Variants in TMEM202 observed in about 807,000 individuals in gnomAD.
TMEM202 encodes the protein transmembrane protein 202.
TMEM202 carries 25 observed loss-of-function variants against 26.1 expected under a neutral mutation model. The observed-to-expected ratio is 0.96, with a 90% CI of 0.70 to 1.34. TMEM202 has a LOEUF of 1.34. Ranked by LOEUF, TMEM202 falls within the 40% of genes most tolerant of loss-of-function variation. The pLI, the probability that TMEM202 is intolerant of heterozygous loss-of-function variation, is 0.00. For synonymous variants in TMEM202, 122 were observed against 119.0 expected (o/e 1.02, Z -0.16); for missense variants, 301 against 327.7 (o/e 0.92, Z 0.63).
chr15:72,406,709 A>G lies in TMEM202; in HGVS notation c.445A>G (p.Thr149Ala). The change falls in exon 3 of 5, where the codon ACC (threonine) becomes GCC (alanine). Residue 149 changes from threonine (T) to alanine (A), a missense_variant. By Grantham distance (58) the Thr-to-Ala change is moderately conservative. Coordinates refer to ENST00000341689, the MANE Select transcript of TMEM202 (RefSeq NM_001080462.3). Reference protein sequence around the residue: ...SWILNRGSMTTNLDLKVSMLS... With the variant: ...SWILNRGSMTANLDLKVSMLS... ...GATCCTTAATCGAGGAAGCATGACC[A>G]CCAACTTGGATCTGAAGGTATCCAT... 2 of 1,614,136 alleles carry G rather than the reference A, an allele frequency of 1.2e-6. No individual in the cohort carries two copies. Among genetic ancestry groups the G allele is most frequent in the Non-Finnish European group, 1.7e-6 (2 of 1,180,014 alleles).
At chr15:72,405,598 G>C (rs930701724) in intron 2 of TMEM202, among the ~76,000 whole-genome samples, 2 of 152,226 alleles carry the variant, frequency 1.3e-5, no homozygotes, top group African/African-American at 4.8e-5. Flanking sequence ...AGGACTTTGG[G>C]GGACTCTCAG....
Position 72,408,095 on chromosome 15 carries a change from C to A in TMEM202, c.*202C>A. 1.8e-6 allele frequency: 1 copy of A among 548,586 alleles called. No individual in the cohort carries two copies. The highest frequency in any genetic ancestry group is 3.2e-6 in the Non-Finnish European group (1 of 309,946). 34.0% of individuals were successfully genotyped at this position (548,586 alleles called of 1,614,324 possible). On this transcript the variant is annotated 3_prime_UTR_variant, in exon 5 of 5. Transcript: ENST00000341689. ...AAGTAAATAACTCACTTAAGAAAAA[C>A]ATTTCTAAAAGAAAACAACAATGTT... is the stretch of plus-strand genomic sequence containing the variant.
chr15:72,404,707 C>T (rs2063563411), intron 2 of TMEM202, among the ~76,000 whole-genome samples: 1 of 152,118 alleles, frequency 6.6e-6, no homozygotes. Flanking sequence ...AAGAGGAAAT[C>T]CAATTTCTAA....
intron 2 of TMEM202, among the ~76,000 whole-genome samples, chr15:72,399,483 A>G (rs2063537966): frequency 6.6e-6 from 1 of 152,202 alleles, no homozygotes; most frequent in Non-Finnish European, 1.5e-5. Context: ...AAGCAATGTG[A>G]TTGGTATTCT....
Position 72,407,851 on chromosome 15 carries a change from T to C in TMEM202, c.780T>C (p.Ser260=), listed in dbSNP as rs2063580625. Residue 260 remains serine, a synonymous_variant, in exon 5 of 5, where the codon AGT becomes AGC. Coordinates refer to ENST00000341689, the MANE Select transcript of TMEM202 (RefSeq NM_001080462.3). The part of the protein sequence containing the change: ...EGPRSEMESL[S]VREKNLPKSG... ...CAAGGTCTGAGATGGAATCTCTAAG[T>C]GTGAGAGAGAAAAATTTACCAAAGT... The C allele has an allele frequency of 6.2e-7, 1 of 1,613,938 alleles. No individual in the cohort carries two copies. Among genetic ancestry groups the C allele is most frequent in the Non-Finnish European group, 8.5e-7 (1 of 1,180,020 alleles).
chr15:72,398,905 C>A lies in TMEM202; in HGVS notation c.334C>A (p.Pro112Thr), dbSNP rs779963625. The A allele has an allele frequency of 3.8e-6, 6 of 1,599,698 alleles. No individual in the cohort carries two copies. In the African/African-American group the frequency reaches 8.0e-5, roughly 21 times the overall value. Residue 112 changes from proline to threonine, a missense_variant, in exon 2 of 5, where the codon CCC (proline) becomes ACC (threonine). Transcript: ENST00000341689. ...ELCWSHTPKP[P>T]YYLQYSRAFF... Reference sequence around the variant, plus strand: ...GTGCTGGAGCCACACACCCAAGCCACCCTGTGAGTGCCACCGAATTAAATG... The same window carrying A: ...GTGCTGGAGCCACACACCCAAGCCAACCTGTGAGTGCCACCGAATTAAATG...
At position 72,408,072 on chromosome 15, in the gene TMEM202, GTAAA is replaced by G; in HGVS notation, c.*183_*186del. On this transcript the variant is annotated 3_prime_UTR_variant, in exon 5 of 5. Transcript: ENST00000341689. ...CCAAAATATATATGATAGTCATAAA[GTAAA>G]TAACTCACTTAAGAAAAACATTTCT... is the stretch of plus-strand genomic sequence containing the variant. 1 of 580,400 alleles carries G rather than the reference GTAAA, an allele frequency of 1.7e-6. No homozygotes were observed. The highest frequency in any genetic ancestry group is 3.0e-6 in the Non-Finnish European group (1 of 329,314). 36.0% of individuals were successfully genotyped at this position (580,400 alleles called of 1,614,324 possible). A position where few individuals can be genotyped will look rare whatever the true frequency, so the allele number is the denominator to read the frequency against.
At chr15:72,403,435 T>C in intron 2 of TMEM202, among the ~76,000 whole-genome samples, 1 of 152,208 alleles carries the variant, frequency 6.6e-6, no homozygotes, top group South Asian at 2.1e-4. Flanking sequence ...GTAACTTAAG[T>C]CTGCATCAAA....
intron 2 of TMEM202, among the ~76,000 whole-genome samples, chr15:72,402,251 C>T (rs1330773625): frequency 6.6e-6 from 1 of 152,188 alleles, no homozygotes; most frequent in Non-Finnish European, 1.5e-5. Context: ...CAGGCATGAG[C>T]CACTGCACCT....
chr15:72,398,639 C>T lies in TMEM202; in HGVS notation c.82-14C>T, dbSNP rs1056989025. Reference sequence around the variant, plus strand: ...TATTCTTTCGGGTAGGCAATATTTCCCTCATCCTTGTAGCCTACCGTCCCT... The same window carrying T: ...TATTCTTTCGGGTAGGCAATATTTCTCTCATCCTTGTAGCCTACCGTCCCT... On this transcript the variant is annotated splice_polypyrimidine_tract_variant and intron_variant, in intron 1 of 4. Coordinates refer to ENST00000341689, the MANE Select transcript of TMEM202 (RefSeq NM_001080462.3). 1 of 1,613,028 alleles carries T rather than the reference C, an allele frequency of 6.2e-7. No individual in the cohort carries two copies. The highest frequency in any genetic ancestry group is 8.5e-7 in the Non-Finnish European group (1 of 1,179,188).
intron 1 of TMEM202, 76 bp downstream of exon 1, chr15:72,398,483 A>G (rs1378851005): frequency 3.5e-6 from 5 of 1,432,658 alleles, no homozygotes; most frequent in South Asian, 2.7e-5. Context: ...AGAGCATCCT[A>G]AAGACAGAAA....
chr15:72,407,133 T>C lies in TMEM202; in HGVS notation c.535T>C (p.Trp179Arg), dbSNP rs1327138217. 1.2e-6 allele frequency: 2 copies of C among 1,613,238 alleles called. No individual in the cohort carries two copies. Among genetic ancestry groups the C allele is most frequent in the South Asian group, 1.1e-5 (1 of 91,032 alleles). Residue 179 changes from tryptophan to arginine, a missense_variant, in exon 4 of 5, where the codon TGG becomes CGG. By Grantham distance (101) the Trp-to-Arg change is moderately radical. Coordinates refer to ENST00000341689, the MANE Select transcript of TMEM202 (RefSeq NM_001080462.3). ...CLNLFVAQVHWHTRDAMESDL... is the reference protein window; with the variant it reads ...CLNLFVAQVHRHTRDAMESDL... ...CAACCTGTTTGTGGCACAGGTTCAC[T>C]GGCATACTAGGGATGCCATGGAGTC...
intron 2 of TMEM202, among the ~76,000 whole-genome samples, chr15:72,405,737 C>G (rs1399809075): frequency 1.3e-5 from 2 of 152,196 alleles, no homozygotes; most frequent in South Asian, 4.1e-4. Context: ...CCTTTAATCC[C>G]AGCACTTTGA....
At chr15:72,400,697 G>T (rs1284245253) in intron 2 of TMEM202, among the ~76,000 whole-genome samples, 1 of 152,202 alleles carries the variant, frequency 6.6e-6, no homozygotes, top group Non-Finnish European at 1.5e-5. Flanking sequence ...GACCCCAGGA[G>T]AGGGTTCTTG....
At chr15:72,403,944 G>A (rs1275243070) in intron 2 of TMEM202, among the ~76,000 whole-genome samples, 1 of 152,156 alleles carries the variant, frequency 6.6e-6, no homozygotes, top group Non-Finnish European at 1.5e-5. Flanking sequence ...GTAACACAGA[G>A]AGAATTGTAA....
At chr15:72,405,127 A>G (rs968430731) in intron 2 of TMEM202, among the ~76,000 whole-genome samples, 1 of 152,206 alleles carries the variant, frequency 6.6e-6, no homozygotes, top group Non-Finnish European at 1.5e-5. Flanking sequence ...AAGGAGGCAG[A>G]TATTAGACTG....
chr15:72,407,682 T>G lies in TMEM202; in HGVS notation c.620-9T>G. ...TTGAACCTCACCTCAAATTATTCCC[T>G]TCCCGTAGGGATCATCTCTCTTCTC... On this transcript the variant is annotated splice_polypyrimidine_tract_variant and intron_variant, in intron 4 of 4. Coordinates refer to ENST00000341689, the MANE Select transcript of TMEM202 (RefSeq NM_001080462.3). 6.2e-7 allele frequency: 1 copy of G among 1,613,594 alleles called. No individual in the cohort carries two copies. The highest frequency in any genetic ancestry group is 1.3e-5 in the African/African-American group (1 of 75,048).
chr15:72,403,097 A>G (rs1277399595), intron 2 of TMEM202, among the ~76,000 whole-genome samples: 1 of 152,176 alleles, frequency 6.6e-6, no homozygotes, highest in African/African-American at 2.4e-5. Flanking sequence ...TACTTCCACA[A>G]CAGTAGAAGG....
chr15:72,403,277 C>T lies in TMEM202; in HGVS notation c.338-3325C>T, dbSNP rs527429805. Among the ~76,000 whole-genome samples the T allele has an allele frequency of 2.6e-5, 4 of 152,288 alleles. No individual in the cohort carries two copies. The South Asian group carries it at 8.3e-4, about 32-fold the overall frequency. ...GTACTCTGAAGTGTAGCATCGCTGACTGATGCTGGGCTGATCCCGAGAACA... is the reference window on the plus strand; with the variant it reads ...GTACTCTGAAGTGTAGCATCGCTGATTGATGCTGGGCTGATCCCGAGAACA... On this transcript the variant is annotated intron_variant, in intron 2 of 4. Transcript: ENST00000341689.
Sources: allele counts gnomAD v4.1 joint callset (sites outside exome capture counted in the v4.1 genomes callset), GRCh38; gene constraint gnomAD v4.1.1; transcripts MANE v1.5; gene names NCBI Gene and HGNC (gene_info 2026-07-23, HGNC 2026-07-21).